The following PIK3AP1 variants were observed in gnomAD, a reference collection of about 807,000 sequenced individuals.
PIK3AP1 encodes phosphoinositide-3-kinase adaptor protein 1, also known as phosphoinositide 3-kinase adapter protein 1.
Under a neutral mutation model 88.1 loss-of-function variants are expected in PIK3AP1, and 21 were observed. That is an observed-to-expected ratio of 0.24 (90% confidence interval 0.17 to 0.34). The LOEUF is 0.34. PIK3AP1 is among the 10% of genes least tolerant of loss of function. The probability of loss-of-function intolerance (pLI) is 1.00; values close to 1 mark genes in which losing one functional copy is unlikely to be tolerated. For synonymous variants in PIK3AP1, 398 were observed against 400.0 expected (o/e 1.00, Z 0.06); for missense variants, 828 against 1,035.7 (o/e 0.80, Z 2.75).
intron 8 of PIK3AP1, among the ~76,000 whole-genome samples, chr10:96,639,642 C>T (rs1227615675): frequency 6.6e-6 from 1 of 152,186 alleles, no homozygotes; most frequent in African/African-American, 2.4e-5. Context: ...AGCTCATCTC[C>T]CTGCTCCCCA....
intron 8 of PIK3AP1, among the ~76,000 whole-genome samples, chr10:96,644,452 A>G (rs1379600803): frequency 6.6e-6 from 1 of 152,216 alleles, no homozygotes; most frequent in African/African-American, 2.4e-5. Flanking sequence ...ATTACTAATT[A>G]TTACCAATGC....
At chr10:96,707,105 T>C (rs1325156865) in intron 2 of PIK3AP1, among the ~76,000 whole-genome samples, 1 of 152,224 alleles carries the variant, frequency 6.6e-6, no homozygotes, top group Non-Finnish European at 1.5e-5. Flanking sequence ...GAGCACCCTG[T>C]AAATGAGTTC....
intron 2 of PIK3AP1, among the ~76,000 whole-genome samples, chr10:96,682,548 C>T (rs1250265903): frequency 2.0e-5 from 3 of 152,182 alleles, no homozygotes; most frequent in Non-Finnish European, 4.4e-5. Context: ...TTCTTCCTTC[C>T]CTGCTCTAAT....
intron 2 of PIK3AP1, among the ~76,000 whole-genome samples, chr10:96,680,959 C>A (rs140930901): frequency 6.6e-6 from 1 of 152,196 alleles, no homozygotes; most frequent in Non-Finnish European, 1.5e-5. Flanking sequence ...CAGTCACCTA[C>A]GAGTGTTATC....
rs368823132 is a variant in PIK3AP1 at position 96,679,427 on chromosome 10, C to T, written c.431-22493G>A. ...CTTATAGTCCCAGCTACTCAGGAGG[C>T]TGAGGCAGGAGAATCTCTTGGACCT... is the stretch of plus-strand genomic sequence containing the variant. On this transcript the variant is annotated intron_variant, in intron 2 of 16. Coordinates refer to ENST00000339364, the MANE Select transcript of PIK3AP1 (RefSeq NM_152309.3). Among the ~76,000 whole-genome samples, 12 of 152,008 alleles carry T rather than the reference C, an allele frequency of 7.9e-5. No homozygotes were observed. In the East Asian group the frequency reaches 1.5e-3, roughly 20 times the overall value.
At chr10:96,607,664 T>C (rs1849024997) in intron 14 of PIK3AP1, among the ~76,000 whole-genome samples, 1 of 152,216 alleles carries the variant, frequency 6.6e-6, no homozygotes, top group South Asian at 2.1e-4. Context: ...TTTTGGCCTA[T>C]TCCCTCTCCA....
intron 7 of PIK3AP1, among the ~76,000 whole-genome samples, chr10:96,647,191 T>C (rs964758660): frequency 2.6e-5 from 4 of 152,172 alleles, no homozygotes. Context: ...AAAATGAAAG[T>C]GCATCTTTAA....
intron 15 of PIK3AP1, chr10:96,603,716 T>C (rs61858195): frequency 3.4e-6 from 1 of 297,068 alleles, no homozygotes. Context: ...ACACACCACA[T>C]ATATATATAT....
chr10:96,676,879 T>A (rs1336774956), intron 2 of PIK3AP1, among the ~76,000 whole-genome samples: 3 of 152,082 alleles, frequency 2.0e-5, no homozygotes, highest in African/African-American at 7.2e-5. Flanking sequence ...GGTGTCAACC[T>A]GAGATTGGAC....
chr10:96,660,025 T>C (rs1843665041), intron 2 of PIK3AP1, among the ~76,000 whole-genome samples: 1 of 152,048 alleles, frequency 6.6e-6, no homozygotes, highest in Non-Finnish European at 1.5e-5. Context: ...ATTAAAGTTA[T>C]TAAAAAACAG....
rs764350592 is a variant in PIK3AP1 at position 96,609,787 on chromosome 10, T to C, written c.2095A>G (p.Arg699Gly). 1.9e-6 allele frequency: 3 copies of C among 1,614,126 alleles called. No individual in the cohort carries two copies. The highest frequency in any genetic ancestry group is 1.7e-6 in the Non-Finnish European group (2 of 1,179,980). Residue 699 changes from arginine to glycine, a missense_variant, in exon 14 of 17, where the codon AGG becomes GGG. Transcript: ENST00000339364. ...VEFGVYESGP[R>G]KSVIPPRTEL... ...GTCCTAGGGGGAATGACACTTTTCC[T>C]GGGGCCACTCTCATAGACTCCAAAC...
Position 96,602,324 on chromosome 10 carries a change from G to A in PIK3AP1, c.2316C>T (p.Ser772=). The change falls in exon 16 of 17, where the codon TCC becomes TCT. Residue 772 remains serine (S), a synonymous_variant. Transcript: ENST00000339364. The part of the protein sequence containing the change: ...PPQVDGTPTM[S]LERPPRVPPR... ...GAGGCACCCTGGGGGGTCTCTCGAG[G>A]GACATGGTGGGTGTCCCATCCACTT... is the stretch of plus-strand genomic sequence containing the variant. The A allele has an allele frequency of 6.2e-7, 1 of 1,610,314 alleles. No homozygotes were observed. Among genetic ancestry groups the A allele is most frequent in the Non-Finnish European group, 8.5e-7 (1 of 1,178,554 alleles).
At chr10:96,696,906 A>G (rs2134279291) in intron 2 of PIK3AP1, among the ~76,000 whole-genome samples, 1 of 152,236 alleles carries the variant, frequency 6.6e-6, no homozygotes, top group East Asian at 1.9e-4. Context: ...ATCGAGACCC[A>G]GTAATGAAAT....
chr10:96,708,294 G>C (rs188559673), intron 2 of PIK3AP1, among the ~76,000 whole-genome samples: 96 of 152,268 alleles, frequency 6.3e-4, no homozygotes, highest in African/African-American at 2.0e-3. Context: ...ACAAAAAGAG[G>C]CTAGGCGTGG....
intron 2 of PIK3AP1, among the ~76,000 whole-genome samples, chr10:96,670,725 T>C (rs892813468): frequency 6.6e-6 from 1 of 152,238 alleles, no homozygotes; most frequent in African/African-American, 2.4e-5. Flanking sequence ...AAATACAGAT[T>C]GAAAATGCAG....
intron 13 of PIK3AP1, among the ~76,000 whole-genome samples, chr10:96,612,211 A>G (rs1183729356): frequency 6.6e-6 from 1 of 152,146 alleles, no homozygotes; most frequent in Non-Finnish European, 1.5e-5. Context: ...GCTCCACAGG[A>G]CACACCCAGA....
chr10:96,683,301 A>G (rs1371674833), intron 2 of PIK3AP1, among the ~76,000 whole-genome samples: 1 of 152,252 alleles, frequency 6.6e-6, no homozygotes, highest in African/African-American at 2.4e-5. Context: ...AGAATAGGCA[A>G]CTGTAAGGAG....
intron 6 of PIK3AP1, among the ~76,000 whole-genome samples, chr10:96,649,258 G>T (rs897289892): frequency 3.0e-4 from 45 of 152,216 alleles, no homozygotes; most frequent in African/African-American, 1.1e-3. Context: ...TATCCAGGCT[G>T]GTCTCATACT....
chr10:96,642,650 G>A (rs1163648910), intron 8 of PIK3AP1, among the ~76,000 whole-genome samples: 6 of 152,264 alleles, frequency 3.9e-5, no homozygotes, highest in South Asian at 2.1e-4. Flanking sequence ...CCCCTGGCCC[G>A]GGTGACTTCA....
Sources: allele counts gnomAD v4.1 joint callset (sites outside exome capture counted in the v4.1 genomes callset), GRCh38; gene constraint gnomAD v4.1.1; transcripts MANE v1.5; gene names NCBI Gene and HGNC (gene_info 2026-07-23, HGNC 2026-07-21).